The following C12orf42 variants were observed in gnomAD, a reference collection of about 807,000 sequenced individuals.
The protein encoded by C12orf42 is uncharacterized protein C12orf42.
Under a neutral mutation model 21.6 loss-of-function variants are expected in C12orf42, and 25 were observed. The ratio of observed to expected loss-of-function variants is 1.16; its 90% CI spans 0.84 to 1.62. The LOEUF is 1.62. C12orf42 is among the 40% of genes most tolerant of loss of function. The probability of loss-of-function intolerance (pLI) is 0.00; values close to 1 mark genes in which losing one functional copy is unlikely to be tolerated. For missense variants in C12orf42, 483 were observed against 459.3 expected, an observed-to-expected ratio of 1.05 and a Z score of -0.47; for synonymous variants, 174 against 175.0, an observed-to-expected ratio of 0.99 and a Z score of 0.05.
the C12orf42 span, among the ~76,000 whole-genome samples, chr12:103,538,749 C>T: frequency 1.3e-5 from 2 of 152,200 alleles, no homozygotes; most frequent in East Asian, 3.9e-4. Context: ...CCCAACCCTT[C>T]CAACACTTTT....
At chr12:103,387,434 T>C (rs774801325) in intron 3 of C12orf42, among the ~76,000 whole-genome samples, 1 of 152,254 alleles carries the variant, frequency 6.6e-6, no homozygotes. Context: ...CCTTGGGTTC[T>C]TTACAACCAT....
intron 4 of C12orf42, among the ~76,000 whole-genome samples, chr12:103,277,786 A>C (rs989689961): frequency 6.6e-6 from 1 of 151,896 alleles, no homozygotes; most frequent in South Asian, 2.1e-4. Flanking sequence ...CGCCCGGCTA[A>C]TTTTTTGTAT....
chr12:103,220,810 A>C, the C12orf42 span, among the ~76,000 whole-genome samples: 64 of 152,328 alleles, frequency 4.2e-4, no homozygotes, highest in Middle Eastern at 6.8e-3. Context: ...GGGAGAAGCC[A>C]AGGGCAGGAG....
the C12orf42 span, among the ~76,000 whole-genome samples, chr12:103,111,065 ATTG>A: frequency 6.6e-6 from 1 of 152,174 alleles, no homozygotes; most frequent in Non-Finnish European, 1.5e-5. Flanking sequence ...TCACTGAATT[ATTG>A]TTATTGCAGT....
chr12:103,355,047 T>C (rs2043407021), intron 4 of C12orf42, among the ~76,000 whole-genome samples: 1 of 152,144 alleles, frequency 6.6e-6, no homozygotes, highest in South Asian at 2.1e-4. Flanking sequence ...TATGTACCCA[T>C]TACAAATAAA....
intron 5 of C12orf42, chr12:103,273,778 C>A: frequency 2.2e-6 from 1 of 445,850 alleles, no homozygotes; most frequent in Non-Finnish European, 4.5e-6. Flanking sequence ...GAAAGAGAAG[C>A]ACTTGTCTTT....
intron 4 of C12orf42, among the ~76,000 whole-genome samples, chr12:103,279,430 T>C (rs146884326): frequency 2.0e-5 from 3 of 152,342 alleles, no homozygotes; most frequent in East Asian, 1.9e-4. Context: ...TATATACTTA[T>C]TGATGTATAT....
chr12:103,239,956 AC>A (rs2033655064), intron 10 of C12orf42, among the ~76,000 whole-genome samples: 1 of 152,188 alleles, frequency 6.6e-6, no homozygotes, highest in African/African-American at 2.4e-5. Context: ...AGACTATATT[AC>A]CAGTAAACAC....
At chr12:103,252,364 G>A (rs2034351486) in intron 10 of C12orf42, among the ~76,000 whole-genome samples, 1 of 152,146 alleles carries the variant, frequency 6.6e-6, no homozygotes, top group African/African-American at 2.4e-5. Context: ...TTGAGGAATT[G>A]CCACACTGTC....
At chr12:103,411,372 CT>C (rs897084189) in intron 2 of C12orf42, among the ~76,000 whole-genome samples, 2 of 152,148 alleles carry the variant, frequency 1.3e-5, no homozygotes, top group African/African-American at 2.4e-5. Context: ...TGACACTCTA[CT>C]TTTTTTCATT....
chr12:103,187,941 A>G, the C12orf42 span, among the ~76,000 whole-genome samples: 1 of 152,352 alleles, frequency 6.6e-6, no homozygotes, highest in Non-Finnish European at 1.5e-5. Context: ...AGTTTTAAAA[A>G]ATAGGCAGGC....
the C12orf42 span, among the ~76,000 whole-genome samples, chr12:103,157,425 C>T: frequency 6.6e-6 from 1 of 151,778 alleles, no homozygotes; most frequent in African/African-American, 2.4e-5. Context: ...CTGTAGGTTA[C>T]CTGTTCACTT....
chr12:103,055,162 A>G, the C12orf42 span, among the ~76,000 whole-genome samples: 2 of 151,888 alleles, frequency 1.3e-5, no homozygotes, highest in Non-Finnish European at 2.9e-5. Flanking sequence ...TTGTTTAAAC[A>G]TTTGACAGAA....
the C12orf42 span, among the ~76,000 whole-genome samples, chr12:103,186,906 C>G: frequency 1.3e-5 from 2 of 152,046 alleles, no homozygotes; most frequent in African/African-American, 4.8e-5. Flanking sequence ...TGTTTTCTGC[C>G]CTTTCCACCT....
intron 1 of C12orf42, among the ~76,000 whole-genome samples, chr12:103,489,339 C>T (rs1000099679): frequency 1.3e-5 from 2 of 152,178 alleles, no homozygotes; most frequent in African/African-American, 4.8e-5. Flanking sequence ...CCCAGAGGGG[C>T]ACCCACCTGT....
At chr12:103,173,852 T>C in the C12orf42 span, among the ~76,000 whole-genome samples, 1 of 152,170 alleles carries the variant, frequency 6.6e-6, no homozygotes, top group Non-Finnish European at 1.5e-5. Context: ...AAGCATACCC[T>C]CTATTTACTC....
At chr12:103,549,910 GT>G in the C12orf42 span, among the ~76,000 whole-genome samples, 1 of 152,078 alleles carries the variant, frequency 6.6e-6, no homozygotes, top group Non-Finnish European at 1.5e-5. Flanking sequence ...TATTTCTCAT[GT>G]GCTGCTGACA....
chr12:103,213,841 T>C, the C12orf42 span, among the ~76,000 whole-genome samples: 1 of 152,210 alleles, frequency 6.6e-6, no homozygotes. Flanking sequence ...ATTTAAAATC[T>C]GAGTTCTCTG....
chr12:103,165,241 A>G, the C12orf42 span, among the ~76,000 whole-genome samples: 1 of 152,250 alleles, frequency 6.6e-6, no homozygotes. Flanking sequence ...GAACTAAGCA[A>G]GTTTGCATTC....
Sources: allele counts gnomAD v4.1 joint callset (sites outside exome capture counted in the v4.1 genomes callset), GRCh38; gene constraint gnomAD v4.1.1; transcripts MANE v1.5; gene names NCBI Gene and HGNC (gene_info 2026-07-23, HGNC 2026-07-21).